Variants in AFF3 observed in about 807,000 individuals in gnomAD.
AFF3 encodes AF4/FMR2 family member 3.
AFF3 carries 32 observed loss-of-function variants against 129.7 expected under a neutral mutation model. The ratio of observed to expected loss-of-function variants is 0.25; its 90% CI spans 0.19 to 0.33. The LOEUF (loss-of-function observed/expected upper bound fraction) is 0.33. Among genes scored for constraint, AFF3 ranks in the 10% least tolerant of loss-of-function variants. The pLI is 1.00. For missense variants in AFF3, 1,373 were observed against 1,592.0 expected (o/e 0.86, Z 2.34); for synonymous variants, 644 against 635.4 (o/e 1.01, Z -0.20).
chr2:99,836,686 G>C (rs1688899625), intron 8 of AFF3, among the ~76,000 whole-genome samples: 1 of 151,348 alleles, frequency 6.6e-6, no homozygotes, highest in Admixed American at 6.6e-5. Flanking sequence ...CAAAAGAAAG[G>C]ACCATATTAA....
chr2:99,679,022 G>A (rs913416452), intron 11 of AFF3, among the ~76,000 whole-genome samples: 1 of 152,192 alleles, frequency 6.6e-6, no homozygotes, highest in Non-Finnish European at 1.5e-5. Context: ...GGCTAGCATG[G>A]GCTCACTCTA....
At chr2:100,026,325 A>G (rs192090954) in intron 4 of AFF3, among the ~76,000 whole-genome samples, 1 of 152,338 alleles carries the variant, frequency 6.6e-6, no homozygotes, top group African/African-American at 2.4e-5. Flanking sequence ...GATCAGGGAA[A>G]TGCAAATCAA....
At chr2:100,034,016 G>C (rs1684718457) in intron 4 of AFF3, among the ~76,000 whole-genome samples, 1 of 152,096 alleles carries the variant, frequency 6.6e-6, no homozygotes, top group Non-Finnish European at 1.5e-5. Flanking sequence ...TTCTCAATAA[G>C]AACCGAAGCA....
chr2:99,581,658 A>T (rs1232279495), intron 17 of AFF3, among the ~76,000 whole-genome samples: 1 of 151,632 alleles, frequency 6.6e-6, no homozygotes, highest in Non-Finnish European at 1.5e-5. Context: ...AGCTGAGATT[A>T]CAGGCATGTG....
chr2:100,138,817 C>T (rs183167193), intron 1 of AFF3, among the ~76,000 whole-genome samples: 174 of 151,786 alleles, frequency 1.1e-3, no homozygotes, highest in Non-Finnish European at 1.6e-3. Flanking sequence ...TGACGGTGGG[C>T]GCCTGTAATC....
intron 4 of AFF3, among the ~76,000 whole-genome samples, chr2:100,057,848 C>T (rs761485966): frequency 6.6e-6 from 1 of 152,188 alleles, no homozygotes; most frequent in Non-Finnish European, 1.5e-5. Context: ...GAAATGCAAA[C>T]GTGTATTCCA....
chr2:100,022,174 T>C (rs1045285162), intron 4 of AFF3, among the ~76,000 whole-genome samples: 2 of 152,200 alleles, frequency 1.3e-5, no homozygotes, highest in African/African-American at 4.8e-5. Flanking sequence ...GGGGTCTTCC[T>C]ATAGCTGTGG....
chr2:100,045,895 A>G (rs1195203836), intron 4 of AFF3, among the ~76,000 whole-genome samples: 3 of 152,226 alleles, frequency 2.0e-5, no homozygotes, highest in African/African-American at 7.2e-5. Context: ...CATGTTAATC[A>G]ACTGTTTATG....
chr2:99,588,688 A>C (rs1233731371), intron 15 of AFF3, among the ~76,000 whole-genome samples: 1 of 152,134 alleles, frequency 6.6e-6, no homozygotes, highest in Non-Finnish European at 1.5e-5. Flanking sequence ...GGGCTCCCAG[A>C]TGCCCACACT....
rs539560708 is a variant in AFF3, at chr2:99,768,160, A to G, written c.922-15859T>C. Among the ~76,000 whole-genome samples, 24 of 152,310 alleles carry G rather than the reference A, an allele frequency of 1.6e-4. No homozygotes were observed. The East Asian group carries it at 3.5e-3, about 22-fold the overall frequency. The stretch of plus-strand genomic sequence containing the variant: ...ATGATTTCATTTTAGTTTTTAATTG[A>G]AAAAGTATTTATTGAAAAAGTATTT... On this transcript the variant is annotated intron_variant, in intron 8 of 24. Coordinates refer to ENST00000672756, the MANE Select transcript of AFF3 (RefSeq NM_001386135.1).
At chr2:99,848,880 T>C (rs553545234) in intron 7 of AFF3, among the ~76,000 whole-genome samples, 65 of 152,200 alleles carry the variant, frequency 4.3e-4, no homozygotes, top group African/African-American at 1.5e-3. Context: ...AAGTAGATGG[T>C]TTTTAGAAAC....
chr2:99,776,495 G>A (rs962105450), intron 8 of AFF3, among the ~76,000 whole-genome samples: 1 of 152,150 alleles, frequency 6.6e-6, no homozygotes, highest in African/African-American at 2.4e-5. Context: ...CATTTGGAGT[G>A]GAATATGCTT....
At chr2:99,913,238 T>C (rs1295816985) in intron 7 of AFF3, among the ~76,000 whole-genome samples, 1 of 152,250 alleles carries the variant, frequency 6.6e-6, no homozygotes, top group Non-Finnish European at 1.5e-5. Context: ...GATAGCAGCC[T>C]TGATTTTCAC....
Position 99,551,153 on chromosome 2 carries a change from G to GGTGT in AFF3, c.*317_*320dup, listed in dbSNP as rs71252505. ...TGTCTGTGATTGTGTGTGAGTGTAC[G>GGTGT]GTGTGTGTGTGTGTGTGTGTGTGTG... is the stretch of plus-strand genomic sequence containing the variant. On this transcript the variant is annotated 3_prime_UTR_variant, in exon 25 of 25. Transcript: ENST00000672756. 0.011 allele frequency: 4,983 copies of GGTGT among 439,008 alleles called. 11 individuals carry two copies. Among genetic ancestry groups the GGTGT allele is most frequent in the Middle Eastern group, 0.015 (25 of 1,708 alleles). The allele number at this position is 439,008 out of a possible 1,614,324, so 27.2% of individuals were successfully genotyped here.
Position 99,831,612 on chromosome 2 carries a change from CCT to C in AFF3, c.921+5863_921+5864del, listed in dbSNP as rs1576127598. ...AATTAAAAAACACTGCAATCGAAAA[CCT>C]CATTCATGGATAAAGATAAGAATTT... On this transcript the variant is annotated intron_variant, in intron 8 of 24. Coordinates refer to ENST00000672756, the MANE Select transcript of AFF3 (RefSeq NM_001386135.1). 4.3e-5 allele frequency among the ~76,000 whole-genome samples: 6 copies of C among 138,676 alleles called. No homozygotes were observed. The East Asian group carries it at 1.3e-3, about 29-fold the overall frequency. 91.0% of individuals were successfully genotyped at this position (138,676 alleles called of 152,430 possible).
chr2:99,609,566 G>A (rs924643045), intron 13 of AFF3, among the ~76,000 whole-genome samples: 4 of 152,102 alleles, frequency 2.6e-5, no homozygotes, highest in African/African-American at 4.8e-5. Flanking sequence ...TAATTCATTC[G>A]TTTTCATGAC....
chr2:99,997,475 A>AC (rs35522930), intron 7 of AFF3, among the ~76,000 whole-genome samples: 5,345 of 127,880 alleles, frequency 0.042, 155 homozygotes, highest in Admixed American at 0.12. Flanking sequence ...AGCAACTATC[A>AC]CCCCCCCCCC....
intron 13 of AFF3, among the ~76,000 whole-genome samples, chr2:99,635,000 CACAT>C (rs926349237): frequency 1.0e-4 from 15 of 149,906 alleles, no homozygotes; most frequent in African/African-American, 3.8e-4. Flanking sequence ...CACACACACA[CACAT>C]ATGGTTGCTG....
At chr2:99,775,639 T>C (rs1321788704) in intron 8 of AFF3, among the ~76,000 whole-genome samples, 1 of 151,666 alleles carries the variant, frequency 6.6e-6, no homozygotes, top group Admixed American at 6.6e-5. Flanking sequence ...CATTTAACTA[T>C]GTAGCAAACT....
Sources: allele counts gnomAD v4.1 joint callset (sites outside exome capture counted in the v4.1 genomes callset), GRCh38; gene constraint gnomAD v4.1.1; transcripts MANE v1.5; gene names NCBI Gene and HGNC (gene_info 2026-07-23, HGNC 2026-07-21).